Variants in GPR39 observed in about 807,000 individuals in gnomAD.
GPR39 encodes the protein G protein-coupled receptor 39.
A neutral mutation model predicts 18.4 loss-of-function variants in GPR39; 23 were observed. The observed-to-expected ratio is 1.25, with a 90% CI of 0.90 to 1.77. The LOEUF is 1.77. Ranked by LOEUF, GPR39 falls within the 40% of genes most tolerant of loss-of-function variation. The pLI, the probability that GPR39 is intolerant of heterozygous loss-of-function variation, is 0.00. For synonymous variants in GPR39, 280 were observed against 257.9 expected (o/e 1.09, Z -0.82); for missense variants, 647 against 602.4 (o/e 1.07, Z -0.78).
intron 1 of GPR39, among the ~76,000 whole-genome samples, chr2:132,439,470 T>C (rs534746806): frequency 2.0e-3 from 309 of 152,326 alleles, no homozygotes; most frequent in African/African-American, 7.1e-3. Flanking sequence ...GGTGGGACTT[T>C]TGTCACAGGA....
At chr2:132,492,431 C>T (rs1042788400) in intron 1 of GPR39, among the ~76,000 whole-genome samples, 2 of 135,522 alleles carry the variant, frequency 1.5e-5, no homozygotes, top group Non-Finnish European at 3.1e-5. Context: ...CATATATACA[C>T]CATATATATA....
chr2:132,492,517 TA>T (rs1172739611), intron 1 of GPR39, among the ~76,000 whole-genome samples: 1 of 122,000 alleles, frequency 8.2e-6, no homozygotes, highest in Non-Finnish European at 1.7e-5. Flanking sequence ...ATATATACCA[TA>T]TATATACACC....
intron 1 of GPR39, among the ~76,000 whole-genome samples, chr2:132,471,481 A>G (rs936778167): frequency 6.6e-6 from 1 of 152,108 alleles, no homozygotes; most frequent in Non-Finnish European, 1.5e-5. Context: ...GTTAGGATGC[A>G]CAGCCTCCAC....
chr2:132,472,393 G>A (rs1681048104), intron 1 of GPR39, among the ~76,000 whole-genome samples: 1 of 152,174 alleles, frequency 6.6e-6, no homozygotes, highest in Non-Finnish European at 1.5e-5. Flanking sequence ...ACTCCCAGAA[G>A]TTGATATCTG....
intron 1 of GPR39, among the ~76,000 whole-genome samples, chr2:132,525,444 C>T (rs1679490243): frequency 6.6e-6 from 1 of 152,216 alleles, no homozygotes; most frequent in African/African-American, 2.4e-5. Context: ...TGCTAATGCT[C>T]CCTGACTTTC....
chr2:132,597,773 A>G (rs1558853095), intron 1 of GPR39, among the ~76,000 whole-genome samples: 1 of 152,234 alleles, frequency 6.6e-6, no homozygotes, highest in Non-Finnish European at 1.5e-5. Context: ...CAATATGAAA[A>G]TGATGATGAA....
chr2:132,633,338 C>CTGTG (rs55722602), intron 1 of GPR39, among the ~76,000 whole-genome samples: 7,762 of 139,058 alleles, frequency 0.056, 394 homozygotes, highest in African/African-American at 0.14. Context: ...CCAAATACCT[C>CTGTG]TGTGTGTGTG....
At chr2:132,574,221 T>A (rs1396896478) in intron 1 of GPR39, among the ~76,000 whole-genome samples, 1 of 152,210 alleles carries the variant, frequency 6.6e-6, no homozygotes, top group Non-Finnish European at 1.5e-5. Flanking sequence ...GTTGAATGAA[T>A]GTTTATTCAT....
At chr2:132,498,237 G>A (rs1276656301) in intron 1 of GPR39, among the ~76,000 whole-genome samples, 1 of 151,910 alleles carries the variant, frequency 6.6e-6, no homozygotes, top group Non-Finnish European at 1.5e-5. Flanking sequence ...ATACCTTGCT[G>A]CCCCCCACCC....
intron 1 of GPR39, among the ~76,000 whole-genome samples, chr2:132,435,178 C>A (rs1343762437): frequency 6.6e-6 from 1 of 152,100 alleles, no homozygotes; most frequent in East Asian, 1.9e-4. Flanking sequence ...GCAAAAAAGA[C>A]AGAAATTATG....
intron 1 of GPR39, among the ~76,000 whole-genome samples, chr2:132,623,269 C>T (rs1681478389): frequency 6.6e-6 from 1 of 152,166 alleles, no homozygotes; most frequent in African/African-American, 2.4e-5. Flanking sequence ...ACGAGGGAAG[C>T]CCAGCACAGA....
Position 132,646,171 on chromosome 2 carries a change from G to T in GPR39, c.*565G>T. 1.2e-6 allele frequency: 2 copies of T among 1,611,216 alleles called. No individual in the cohort carries two copies. The highest frequency in any genetic ancestry group is 1.7e-6 in the Non-Finnish European group (2 of 1,178,440). ...GCCCGTTACAAAGAGGGGTGTTGCAGCAGCTGATGCAAACTGAGTTCAGTT... is the reference window on the plus strand; with the variant it reads ...GCCCGTTACAAAGAGGGGTGTTGCATCAGCTGATGCAAACTGAGTTCAGTT... On this transcript the variant is annotated 3_prime_UTR_variant, in exon 2 of 2. Transcript: ENST00000329321.
At chr2:132,503,935 C>G (rs1453744338) in intron 1 of GPR39, among the ~76,000 whole-genome samples, 1 of 152,220 alleles carries the variant, frequency 6.6e-6, no homozygotes, top group African/African-American at 2.4e-5. Flanking sequence ...TCCTAATGGC[C>G]TCATTCCCTC....
chr2:132,490,990 A>G (rs1262194370), intron 1 of GPR39, among the ~76,000 whole-genome samples: 1 of 152,224 alleles, frequency 6.6e-6, no homozygotes, highest in Non-Finnish European at 1.5e-5. Context: ...ACTGGGCACC[A>G]GCTCAAGTGT....
chr2:132,521,042 A>G (rs1312235795), intron 1 of GPR39, among the ~76,000 whole-genome samples: 1 of 152,206 alleles, frequency 6.6e-6, no homozygotes, highest in Non-Finnish European at 1.5e-5. Flanking sequence ...GGGCCAGCAC[A>G]GTGTTTACCC....
At position 132,632,565 on chromosome 2, in the gene GPR39, A is replaced by G. The variant is rs146307354; in HGVS notation, c.857-12536A>G. ...TGGCTGGGGCTGTGTGTTTCGGTGC[A>G]TGAACTCTGGACCAGGCTGCCTGGT... On this transcript the variant is annotated intron_variant, in intron 1 of 1. Transcript: ENST00000329321. Among the ~76,000 whole-genome samples the G allele has an allele frequency of 4.1e-4, 62 of 152,302 alleles. No homozygotes were observed. In the Middle Eastern group the frequency reaches 0.01, roughly 25 times the overall value.
At chr2:132,445,084 T>C (rs1049390154) in intron 1 of GPR39, among the ~76,000 whole-genome samples, 1 of 152,214 alleles carries the variant, frequency 6.6e-6, no homozygotes, top group Non-Finnish European at 1.5e-5. Flanking sequence ...TAAAAAATTA[T>C]AGAATAATCA....
intron 1 of GPR39, among the ~76,000 whole-genome samples, chr2:132,526,679 C>T (rs879628120): frequency 6.6e-6 from 1 of 152,186 alleles, no homozygotes; most frequent in Non-Finnish European, 1.5e-5. Flanking sequence ...TCTGGACTTT[C>T]TCTGCTGCCT....
intron 1 of GPR39, among the ~76,000 whole-genome samples, chr2:132,529,164 T>A (rs1243746885): frequency 6.6e-6 from 1 of 152,124 alleles, no homozygotes; most frequent in Non-Finnish European, 1.5e-5. Context: ...ACCCTAATAC[T>A]GCGCTTTTCC....
Sources: gnomAD v4.1 joint callset for allele counts (sites outside exome capture counted in the v4.1 genomes callset) on GRCh38, gnomAD v4.1.1 for gene constraint, MANE v1.5 for transcripts, NCBI Gene and HGNC (gene_info 2026-07-23, HGNC 2026-07-21) for gene names.